Variants in PAWR observed in about 807,000 individuals in gnomAD.
The protein encoded by PAWR is pro-apoptotic WT1 regulator, also known as PRKC apoptosis WT1 regulator protein.
In PAWR, 23 loss-of-function variants were observed where a neutral mutation model predicts 32.0. That is an observed-to-expected ratio of 0.72 (90% CI 0.52 to 1.02). PAWR has a LOEUF of 1.02. PAWR is among the 50% of genes least tolerant of loss of function. PAWR has a pLI of 0.00. For synonymous variants in PAWR, 226 were observed against 187.1 expected (o/e 1.21, Z -1.70); for missense variants, 457 against 437.7 (o/e 1.04, Z -0.39).
rs1878881875 is a variant in PAWR, at chr12:79,689,767, G to A, written c.478C>T (p.Arg160Trp). 1 of 1,582,480 alleles carries A rather than the reference G, an allele frequency of 6.3e-7. No homozygotes were observed. Among genetic ancestry groups the A allele is most frequent in the Non-Finnish European group, 8.6e-7 (1 of 1,166,028 alleles). ...ATGTTGACCACGCCGGTGGAGCGCC[G>A]CTTCTCCCGCAGCTTCCTCTTCTCG... ...QIEKRKLREK[R>W]RSTGVVNIPA... Residue 160 changes from arginine (R) to tryptophan (W), a missense_variant, in exon 2 of 7, where the codon CGG becomes TGG. Transcript: ENST00000328827.
Position 79,615,200 on chromosome 12 carries a change from A to G in PAWR, c.649-1591T>C, listed in dbSNP as rs145184354. 3.9e-5 allele frequency among the ~76,000 whole-genome samples: 6 copies of G among 152,300 alleles called. No homozygotes were observed. In the East Asian group the frequency reaches 9.6e-4, roughly 24 times the overall value. On this transcript the variant is annotated intron_variant, in intron 3 of 6. Transcript: ENST00000328827. ...GCCTATATCACTTAGTTTTATTTGT[A>G]TCTCAATTTTTCATGTATATATCTT...
In PAWR at chr12:79,615,850, A is replaced by T. The variant is rs1020472487; in HGVS notation, c.649-2241T>A. Among the ~76,000 whole-genome samples, 4 of 152,030 alleles carry T rather than the reference A, an allele frequency of 2.6e-5. 1 individual carries two copies. Among genetic ancestry groups the T allele is most frequent in the Admixed American group, 2.0e-4 (3 of 15,254 alleles). On this transcript the variant is annotated intron_variant, in intron 3 of 6. Coordinates refer to ENST00000328827, the MANE Select transcript of PAWR (RefSeq NM_002583.4). The stretch of plus-strand genomic sequence containing the variant: ...GGGGAGTGGATCACTTGAGCCCTGG[A>T]AGTCAAAACCAGCCTAGGCAACATG...
In PAWR at chr12:79,586,276, T is replaced by C. The variant is rs1873384066; in HGVS notation, c.*6331A>G. The C allele has an allele frequency of 6.6e-6, 1 of 152,646 alleles. No homozygotes were observed. Among genetic ancestry groups the C allele is most frequent in the Non-Finnish European group, 1.5e-5 (1 of 68,048 alleles). 9.5% of individuals were successfully genotyped at this position (152,646 alleles called of 1,614,324 possible). On this transcript the variant is annotated 3_prime_UTR_variant, in exon 7 of 7. Transcript: ENST00000328827. ...ACTTTTCTCAATACTATCAGATGAA[T>C]GTATTCTTACCAATCATGATTTACG...
chr12:79,689,999 G>C lies in PAWR; in HGVS notation c.246C>G (p.Ala82=). 7.7e-6 allele frequency: 10 copies of C among 1,306,704 alleles called. No individual in the cohort carries two copies. Among genetic ancestry groups the C allele is most frequent in the Non-Finnish European group, 9.7e-6 (10 of 1,033,726 alleles). The allele number at this position is 1,306,704 out of a possible 1,614,324, so 80.9% of individuals were successfully genotyped here. A position where few individuals can be genotyped will look rare whatever the true frequency, so the allele number is the denominator to read the frequency against. The change falls in exon 2 of 7, where the codon GCC becomes GCG. Residue 82 remains alanine, a synonymous_variant. Coordinates refer to ENST00000328827, the MANE Select transcript of PAWR (RefSeq NM_002583.4). ...NLPGGAPAAP[A]VPGPGGVNCA... ...AGTTCACGCCCCCGGGACCGGGGAC[G>C]GCAGGTGCGGCCGGCGCGCCGCCCG...
intron 2 of PAWR, among the ~76,000 whole-genome samples, chr12:79,645,217 T>C (rs1314172094): frequency 6.6e-6 from 1 of 152,176 alleles, no homozygotes; most frequent in East Asian, 1.9e-4. Context: ...AAAGAATTCA[T>C]ATATTATTTA....
At chr12:79,688,281 A>T (rs546409276) in intron 2 of PAWR, 1 of 152,126 alleles carries the variant, frequency 6.6e-6, no homozygotes, top group Non-Finnish European at 1.5e-5. Flanking sequence ...CCAGAAAAAA[A>T]GTGAAGTTTA....
intron 2 of PAWR, among the ~76,000 whole-genome samples, chr12:79,627,155 G>A (rs1592511758): frequency 6.6e-6 from 1 of 152,066 alleles, no homozygotes; most frequent in African/African-American, 2.4e-5. Flanking sequence ...GATCCCTGAG[G>A]AATCGCCACA....
At chr12:79,600,954 T>G (rs1322652802) in intron 4 of PAWR, among the ~76,000 whole-genome samples, 1 of 152,176 alleles carries the variant, frequency 6.6e-6, no homozygotes, top group Non-Finnish European at 1.5e-5. Context: ...CAAGTCAAAA[T>G]GCAATTCAAG....
In PAWR at chr12:79,682,122, T is replaced by C. The variant is rs1359600931; in HGVS notation, c.516+7607A>G. ...AACTGTATATTATTATGTTTATTTA[T>C]CCTATTCTCTTAGTCCCCCTAGAGT... On this transcript the variant is annotated intron_variant, in intron 2 of 6. Coordinates refer to ENST00000328827, the MANE Select transcript of PAWR (RefSeq NM_002583.4). Among the ~76,000 whole-genome samples the C allele has an allele frequency of 2.0e-5, 3 of 152,304 alleles. No homozygotes were observed. In the East Asian group the frequency reaches 5.8e-4, roughly 29 times the overall value.
At chr12:79,664,436 A>C (rs913264578) in intron 2 of PAWR, among the ~76,000 whole-genome samples, 3 of 152,202 alleles carry the variant, frequency 2.0e-5, no homozygotes, top group Non-Finnish European at 4.4e-5. Flanking sequence ...ATGCTTCCAG[A>C]TCATTAACTA....
intron 2 of PAWR, among the ~76,000 whole-genome samples, chr12:79,633,574 G>A (rs1875819327): frequency 6.6e-6 from 1 of 151,876 alleles, no homozygotes; most frequent in South Asian, 2.1e-4. Context: ...AACCACTCTT[G>A]GCTCTCTGTC....
intron 4 of PAWR, among the ~76,000 whole-genome samples, chr12:79,605,028 A>G (rs947588534): frequency 7.9e-5 from 12 of 152,046 alleles, no homozygotes; most frequent in South Asian, 4.1e-4. Context: ...CTGGCAGTTT[A>G]TCACATGAAT....
intron 3 of PAWR, among the ~76,000 whole-genome samples, chr12:79,614,967 C>T (rs1017369336): frequency 2.4e-4 from 37 of 152,232 alleles, no homozygotes; most frequent in African/African-American, 8.9e-4. Flanking sequence ...AATAACAGTG[C>T]CTATTTTATT....
At chr12:79,622,957 T>C (rs1426367663) in intron 2 of PAWR, among the ~76,000 whole-genome samples, 2 of 152,122 alleles carry the variant, frequency 1.3e-5, no homozygotes, top group Non-Finnish European at 1.5e-5. Context: ...AAATAATAGA[T>C]AACCCAAGAA....
At chr12:79,636,246 A>T (rs1875956569) in intron 2 of PAWR, among the ~76,000 whole-genome samples, 1 of 152,142 alleles carries the variant, frequency 6.6e-6, no homozygotes. Context: ...GCTTTTTCCT[A>T]TCAATTTTAT....
At position 79,590,252 on chromosome 12, in the gene PAWR, TA is replaced by T. The variant is rs1565993748; in HGVS notation, c.*2354del. On this transcript the variant is annotated 3_prime_UTR_variant, in exon 7 of 7. Transcript: ENST00000328827. ...TTCGCTCTTCTTGCCCAGGCTGGAGTACAATGGCGCAATCTCAGCTCACCGC... is the reference window on the plus strand; with the variant it reads ...TTCGCTCTTCTTGCCCAGGCTGGAGTCAATGGCGCAATCTCAGCTCACCGC... The T allele has an allele frequency of 6.7e-6, 1 of 149,192 alleles. No homozygotes were observed. Among genetic ancestry groups the T allele is most frequent in the Non-Finnish European group, 1.5e-5 (1 of 67,696 alleles). The allele number at this position is 149,192 out of a possible 1,614,324, so 9.2% of individuals were successfully genotyped here. A position where few individuals can be genotyped will look rare whatever the true frequency, so the allele number is the denominator to read the frequency against.
intron 2 of PAWR, among the ~76,000 whole-genome samples, chr12:79,647,129 C>G (rs1876612971): frequency 1.4e-5 from 2 of 145,246 alleles, no homozygotes; most frequent in Admixed American, 1.4e-4. Context: ...GAGCCAAGAT[C>G]ATGCCACTGC....
intron 2 of PAWR, among the ~76,000 whole-genome samples, chr12:79,650,495 A>C (rs770846994): frequency 7.9e-5 from 12 of 152,198 alleles, no homozygotes; most frequent in Non-Finnish European, 1.6e-4. Flanking sequence ...ATATTGGGCA[A>C]AACTTACTAA....
chr12:79,629,639 T>C (rs774684064), intron 2 of PAWR, among the ~76,000 whole-genome samples: 2 of 152,052 alleles, frequency 1.3e-5, no homozygotes, highest in Non-Finnish European at 2.9e-5. Flanking sequence ...CCAACATTTA[T>C]AGAACACTCC....
Sources: gnomAD v4.1 joint callset for allele counts (sites outside exome capture counted in the v4.1 genomes callset) on GRCh38, gnomAD v4.1.1 for gene constraint, MANE v1.5 for transcripts, NCBI Gene and HGNC (gene_info 2026-07-23, HGNC 2026-07-21) for gene names.